Variants in SLC35F3 observed in about 807,000 individuals in gnomAD.
SLC35F3 encodes putative thiamine transporter SLC35F3.
A neutral mutation model predicts 49.9 loss-of-function variants in SLC35F3; 25 were observed. The ratio of observed to expected loss-of-function variants is 0.50; its 90% CI spans 0.37 to 0.70. The LOEUF (loss-of-function observed/expected upper bound fraction) is 0.70. Ranked by LOEUF, SLC35F3 falls within the 30% of genes least tolerant of loss-of-function variation. SLC35F3 has a pLI of 0.00. For missense variants in SLC35F3, 525 were observed against 639.8 expected (o/e 0.82, Z 1.94); for synonymous variants, 275 against 265.4 (o/e 1.04, Z -0.35).
At chr1:234,248,715 C>T (rs1174881978) in intron 3 of SLC35F3, among the ~76,000 whole-genome samples, 1 of 152,236 alleles carries the variant, frequency 6.6e-6, no homozygotes, top group Admixed American at 6.5e-5. Context: ...ATTTCAGATC[C>T]TCTTGATCAG....
intron 2 of SLC35F3, among the ~76,000 whole-genome samples, chr1:233,968,512 C>A (rs1662937139): frequency 6.6e-6 from 1 of 151,430 alleles, no homozygotes; most frequent in South Asian, 2.1e-4. Context: ...GTTTTTGAGA[C>A]AGTTTCACTC....
intron 3 of SLC35F3, among the ~76,000 whole-genome samples, chr1:234,296,808 G>T (rs1322522992): frequency 1.3e-5 from 2 of 152,234 alleles, no homozygotes; most frequent in Non-Finnish European, 2.9e-5. Context: ...CATATATGCA[G>T]TCTGTGCTTC....
At chr1:234,070,163 GC>G (rs1664692048) in intron 2 of SLC35F3, among the ~76,000 whole-genome samples, 1 of 152,154 alleles carries the variant, frequency 6.6e-6, no homozygotes, top group Admixed American at 6.6e-5. Flanking sequence ...GCTCCTTAGA[GC>G]CCTGTACAAA....
Position 234,240,376 on chromosome 1 carries a change from G to A in SLC35F3, c.608+8635G>A, listed in dbSNP as rs111437004. 3.1e-3 allele frequency among the ~76,000 whole-genome samples: 475 copies of A among 151,448 alleles called. 3 individuals carry two copies. Among genetic ancestry groups the A allele is most frequent in the African/African-American group, 0.011 (453 of 41,412 alleles). On this transcript the variant is annotated intron_variant, in intron 3 of 7. Transcript: ENST00000366618. ...TCCCAGCATTTTGGGAGGCTGAGTC[G>A]GGTGGATCACTTGAGTCCAGGAGTT...
At chr1:233,937,814 C>G (rs1334696618) in intron 2 of SLC35F3, among the ~76,000 whole-genome samples, 5 of 152,052 alleles carry the variant, frequency 3.3e-5, no homozygotes, top group African/African-American at 9.7e-5. Flanking sequence ...GAGATAGAAG[C>G]AAGGATAGTC....
chr1:233,932,117 C>T (rs55931923), intron 2 of SLC35F3, among the ~76,000 whole-genome samples: 20 of 151,576 alleles, frequency 1.3e-4, no homozygotes, highest in African/African-American at 4.1e-4. Context: ...GGACACAGGG[C>T]GGGGAACATC....
At chr1:234,177,793 G>A (rs1666498187) in intron 2 of SLC35F3, among the ~76,000 whole-genome samples, 1 of 152,178 alleles carries the variant, frequency 6.6e-6, no homozygotes, top group African/African-American at 2.4e-5. Flanking sequence ...TCAGTCCGTG[G>A]TCTTATATTG....
At chr1:234,288,888 G>T (rs969646119) in intron 3 of SLC35F3, among the ~76,000 whole-genome samples, 1 of 152,186 alleles carries the variant, frequency 6.6e-6, no homozygotes, top group African/African-American at 2.4e-5. Context: ...GGAACTAGGG[G>T]CTGAGAGATC....
intron 3 of SLC35F3, among the ~76,000 whole-genome samples, chr1:234,290,925 G>C (rs561015382): frequency 3.5e-4 from 53 of 151,954 alleles, no homozygotes; most frequent in African/African-American, 1.2e-3. Flanking sequence ...GCTACTCTCT[G>C]TACTGGCTTG....
intron 2 of SLC35F3, among the ~76,000 whole-genome samples, chr1:234,068,331 T>A (rs1164703702): frequency 6.6e-6 from 1 of 152,150 alleles, no homozygotes; most frequent in Non-Finnish European, 1.5e-5. Context: ...GAAACTCCTG[T>A]ATTAAGAAAA....
At chr1:234,031,331 A>T (rs557766582) in intron 2 of SLC35F3, among the ~76,000 whole-genome samples, 3 of 152,320 alleles carry the variant, frequency 2.0e-5, no homozygotes, top group African/African-American at 7.2e-5. Flanking sequence ...CTATGTGTGA[A>T]CTCAAAAAGG....
chr1:233,948,220 GGAGAGAGGGAGAGAGAGAGAGA>G (rs941086081), intron 2 of SLC35F3, among the ~76,000 whole-genome samples: 7 of 122,400 alleles, frequency 5.7e-5, no homozygotes, highest in African/African-American at 2.0e-4. Flanking sequence ...AGGGAGAGAG[GGAGAGAGGGAGAGAGAGAGAGA>G]GAGAGAGAGA....
At chr1:234,006,281 A>G (rs1440647791) in intron 2 of SLC35F3, among the ~76,000 whole-genome samples, 4 of 152,180 alleles carry the variant, frequency 2.6e-5, no homozygotes, top group Non-Finnish European at 5.9e-5. Context: ...CAAGCCACGT[A>G]AGTTTATAAG....
chr1:234,010,496 A>G lies in SLC35F3; in HGVS notation c.283+104738A>G, dbSNP rs370223942. 7.2e-5 allele frequency among the ~76,000 whole-genome samples: 11 copies of G among 152,358 alleles called. No homozygotes were observed. The South Asian group carries it at 2.3e-3, about 32-fold the overall frequency. ...GACAGTAACAAGTCCTTACCTATCA[A>G]TAATTACTTTGAATGTAAATAGATT... On this transcript the variant is annotated intron_variant, in intron 2 of 7. Transcript: ENST00000366618.
intron 2 of SLC35F3, among the ~76,000 whole-genome samples, chr1:234,194,518 CA>C (rs1459915630): frequency 1.3e-5 from 2 of 152,094 alleles, no homozygotes; most frequent in Middle Eastern, 3.2e-3. Flanking sequence ...GTGATGCATG[CA>C]CCAAAATCTC....
intron 2 of SLC35F3, among the ~76,000 whole-genome samples, chr1:234,175,400 C>A (rs190409986): frequency 9.2e-5 from 14 of 152,288 alleles, no homozygotes; most frequent in African/African-American, 3.1e-4. Context: ...TGTCTTCACC[C>A]TTTGATGAAG....
rs1159349654 is a variant in SLC35F3, at chr1:234,214,819, C to T, written c.284-16598C>T. 6 of 465,750 alleles carry T rather than the reference C, an allele frequency of 1.3e-5. No individual in the cohort carries two copies. The highest frequency in any genetic ancestry group is 3.9e-5 in the South Asian group (1 of 25,678). The allele number at this position is 465,750 out of a possible 1,614,324, so 28.9% of individuals were successfully genotyped here. A position where few individuals can be genotyped will look rare whatever the true frequency, so the allele number is the denominator to read the frequency against. On this transcript the variant is annotated intron_variant, in intron 2 of 7. Transcript: ENST00000366618. This position sits in a 1 kb window ranked among gnomAD's most constrained non-coding sequence, Gnocchi z 8.0. Reference sequence around the variant, plus strand: ...AGTGAGCACCCGGCTCCCCAACCCTCTCCTTCCTGGGCAGCACCCAGCGCA... The same window carrying T: ...AGTGAGCACCCGGCTCCCCAACCCTTTCCTTCCTGGGCAGCACCCAGCGCA...
At chr1:234,087,818 G>A (rs1664982806) in intron 2 of SLC35F3, among the ~76,000 whole-genome samples, 1 of 152,070 alleles carries the variant, frequency 6.6e-6, no homozygotes, top group African/African-American at 2.4e-5. Context: ...GGCTTCCTTG[G>A]TGATAGTGGT....
At chr1:234,094,788 T>G (rs1008797670) in intron 2 of SLC35F3, among the ~76,000 whole-genome samples, 1 of 152,044 alleles carries the variant, frequency 6.6e-6, no homozygotes. Context: ...GAAGTAGACT[T>G]TTATCTAAAG....
Sources: allele counts gnomAD v4.1 joint callset (sites outside exome capture counted in the v4.1 genomes callset), GRCh38; gene constraint gnomAD v4.1.1; non-coding constraint Gnocchi (gnomAD v3.1); transcripts MANE v1.5; gene names NCBI Gene and HGNC (gene_info 2026-07-23, HGNC 2026-07-21).